DCC: variants seen among roughly 807,000 people sequenced by gnomAD.
DCC encodes DCC netrin 1 receptor, also known as netrin receptor DCC.
In DCC, 58 loss-of-function variants were observed where a neutral mutation model predicts 172.5. The observed-to-expected ratio is 0.34, with a 90% CI of 0.27 to 0.42. DCC has a LOEUF of 0.42. DCC is among the 10% of genes least tolerant of loss of function. DCC has a pLI of 1.00. For missense variants in DCC, 1,740 were observed against 1,791.0 expected, an observed-to-expected ratio of 0.97 and a Z score of 0.51; for synonymous variants, 709 against 644.5, an observed-to-expected ratio of 1.10 and a Z score of -1.52.
intron 15 of DCC, among the ~76,000 whole-genome samples, chr18:53,374,418 T>A (rs1281771159): frequency 6.6e-6 from 1 of 152,136 alleles, no homozygotes; most frequent in Non-Finnish European, 1.5e-5. Context: ...AATACACACA[T>A]ATATGCATGA....
chr18:52,709,433 G>A (rs1428168716), intron 1 of DCC, among the ~76,000 whole-genome samples: 1 of 152,106 alleles, frequency 6.6e-6, no homozygotes, highest in African/African-American at 2.4e-5. Context: ...TAGAAAACAA[G>A]GGCCTATCAC....
At chr18:52,554,846 G>T (rs907504221) in intron 1 of DCC, among the ~76,000 whole-genome samples, 3 of 152,022 alleles carry the variant, frequency 2.0e-5, no homozygotes, top group African/African-American at 7.2e-5. Flanking sequence ...AAAAGACTCA[G>T]GAGGACATAG....
intron 7 of DCC, among the ~76,000 whole-genome samples, chr18:53,078,612 A>G (rs1398073551): frequency 1.4e-5 from 2 of 147,018 alleles, no homozygotes; most frequent in South Asian, 2.1e-4. Flanking sequence ...GAGAAATAAT[A>G]TTTTTTTATT....
intron 1 of DCC, among the ~76,000 whole-genome samples, chr18:52,533,073 G>A (rs1001949578): frequency 6.6e-6 from 1 of 152,070 alleles, no homozygotes; most frequent in African/African-American, 2.4e-5. Flanking sequence ...TTTGCTAGAA[G>A]TTTTTATTGA....
chr18:53,281,379 G>A (rs1192216532), intron 12 of DCC, among the ~76,000 whole-genome samples: 1 of 151,998 alleles, frequency 6.6e-6, no homozygotes, highest in African/African-American at 2.4e-5. Flanking sequence ...GACTATATAA[G>A]GTCAACACAC....
chr18:52,589,532 T>C (rs2033752235), intron 1 of DCC, among the ~76,000 whole-genome samples: 1 of 152,200 alleles, frequency 6.6e-6, no homozygotes, highest in Non-Finnish European at 1.5e-5. Flanking sequence ...ATTTATTTCT[T>C]GTCAATCTGC....
intron 12 of DCC, among the ~76,000 whole-genome samples, chr18:53,266,327 A>T (rs1192149594): frequency 6.6e-6 from 1 of 152,230 alleles, no homozygotes; most frequent in Admixed American, 6.5e-5. Context: ...ATTTAAAAAG[A>T]CAGCAGTTGG....
At chr18:52,906,942 C>T (rs72481260) in intron 3 of DCC, among the ~76,000 whole-genome samples, 12,851 of 151,832 alleles carry the variant, frequency 0.085, 907 homozygotes, top group East Asian at 0.3. Flanking sequence ...TAGTGCCAGA[C>T]AGAAAATGTG....
At chr18:53,254,471 T>C (rs1455207288) in intron 12 of DCC, among the ~76,000 whole-genome samples, 1 of 152,006 alleles carries the variant, frequency 6.6e-6, no homozygotes, top group African/African-American at 2.4e-5. Flanking sequence ...ACCATTAAAA[T>C]GCAAATTCAG....
At chr18:53,208,965 A>T (rs960284140) in intron 11 of DCC, among the ~76,000 whole-genome samples, 1 of 152,150 alleles carries the variant, frequency 6.6e-6, no homozygotes, top group Non-Finnish European at 1.5e-5. Flanking sequence ...TCCTGACCTC[A>T]AGTGATCCAC....
At chr18:52,504,079 C>A (rs1051345828) in intron 1 of DCC, among the ~76,000 whole-genome samples, 7 of 152,138 alleles carry the variant, frequency 4.6e-5, no homozygotes, top group African/African-American at 1.7e-4. Flanking sequence ...AGATACTAAC[C>A]AGGATCTCAC....
At chr18:53,328,298 T>C (rs1206302399) in intron 14 of DCC, among the ~76,000 whole-genome samples, 1 of 152,190 alleles carries the variant, frequency 6.6e-6, no homozygotes, top group Non-Finnish European at 1.5e-5. Flanking sequence ...TTTGCAGTCT[T>C]AATGACTAGG....
intron 2 of DCC, among the ~76,000 whole-genome samples, chr18:52,851,017 G>A (rs868249977): frequency 4.0e-5 from 6 of 151,394 alleles, no homozygotes; most frequent in Middle Eastern, 3.2e-3. Flanking sequence ...ACAATTAAAC[G>A]GTATTTGTAT....
At chr18:52,820,627 G>T (rs1893572) in intron 2 of DCC, among the ~76,000 whole-genome samples, 3 of 151,878 alleles carry the variant, frequency 2.0e-5, no homozygotes, top group East Asian at 3.9e-4. Context: ...ATCCAACAAG[G>T]GGCCGACCAG....
chr18:52,782,062 G>A (rs10515956), intron 2 of DCC, among the ~76,000 whole-genome samples: 19,253 of 152,008 alleles, frequency 0.13, 1,564 homozygotes, highest in Middle Eastern at 0.24. Context: ...AGACAGTCAA[G>A]GTAAAATACA....
At chr18:52,514,470 ATG>A (rs767056371) in intron 1 of DCC, among the ~76,000 whole-genome samples, 1 of 152,226 alleles carries the variant, frequency 6.6e-6, no homozygotes, top group Non-Finnish European at 1.5e-5. Context: ...CAACCAAAAA[ATG>A]TCTCCAGACA....
At chr18:53,301,382 C>T (rs2057140150) in intron 12 of DCC, among the ~76,000 whole-genome samples, 1 of 152,066 alleles carries the variant, frequency 6.6e-6, no homozygotes, top group Admixed American at 6.6e-5. Context: ...AGCCACTGCA[C>T]CCGGCTGTGT....
chr18:53,063,158 T>C, intron 5 of DCC, 147 bp from the exon 6 acceptor site: 1 of 835,900 alleles, frequency 1.2e-6, no homozygotes, highest in Non-Finnish European at 2.0e-6. Context: ...TAATAGTTCC[T>C]GTATAATAAG....
intron 1 of DCC, among the ~76,000 whole-genome samples, chr18:52,609,658 T>C (rs73955747): frequency 0.079 from 12,035 of 152,012 alleles, 589 homozygotes; most frequent in South Asian, 0.17. Context: ...ACAACTTTGC[T>C]GTAGAATTTT....
Sources: gnomAD v4.1 joint callset for allele counts (sites outside exome capture counted in the v4.1 genomes callset) on GRCh38, gnomAD v4.1.1 for gene constraint, MANE v1.5 for transcripts, NCBI Gene and HGNC (gene_info 2026-07-23, HGNC 2026-07-21) for gene names.